The following KIF3B variants were observed in gnomAD, a reference collection of about 807,000 sequenced individuals.
The protein encoded by KIF3B is kinesin family member 3B.
Under a neutral mutation model 74.3 loss-of-function variants are expected in KIF3B, and 38 were observed. The observed-to-expected ratio is 0.51, with a 90% CI of 0.39 to 0.67. The LOEUF (loss-of-function observed/expected upper bound fraction) is 0.67, where lower values mean the gene tolerates loss of function less well. Ranked by LOEUF, KIF3B falls within the 30% of genes least tolerant of loss-of-function variation. The pLI is 0.00. For missense variants in KIF3B, 649 were observed against 932.0 expected, an observed-to-expected ratio of 0.70 and a Z score of 3.95; for synonymous variants, 326 against 342.5, an observed-to-expected ratio of 0.95 and a Z score of 0.53.
At chr20:32,285,861 A>G (rs1301130479) in intron 1 of KIF3B, among the ~76,000 whole-genome samples, 1 of 152,194 alleles carries the variant, frequency 6.6e-6, no homozygotes, top group Non-Finnish European at 1.5e-5. Flanking sequence ...TCATCTTATC[A>G]GCATCACACA....
At chr20:32,318,862 C>T (rs2047841861) in intron 5 of KIF3B, among the ~76,000 whole-genome samples, 1 of 152,026 alleles carries the variant, frequency 6.6e-6, no homozygotes, top group Admixed American at 6.6e-5. Flanking sequence ...ATTGCTGGGT[C>T]ATATGGTAAC....
chr20:32,299,237 T>C (rs889786939), intron 1 of KIF3B, among the ~76,000 whole-genome samples: 4 of 151,640 alleles, frequency 2.6e-5, no homozygotes, highest in Admixed American at 6.6e-5. Context: ...GTAGATAATA[T>C]GTAAACTAAG....
chr20:32,330,234 T>C lies in KIF3B; in HGVS notation c.2062T>C (p.Leu688=), dbSNP rs1012200614. Residue 688 remains leucine, a synonymous_variant, in exon 8 of 9, where the codon TTG becomes CTG. Coordinates refer to ENST00000375712, the MANE Select transcript of KIF3B (RefSeq NM_004798.4). ...PAIAPKVQAA[L]DAALQDEDEI... ...CATTGCCCCCAAGGTCCAGGCTGCA[T>C]TGGATGCGGCTCTGCAGGATGAAGA... 3.7e-6 allele frequency: 6 copies of C among 1,613,964 alleles called. No homozygotes were observed. The highest frequency in any genetic ancestry group is 3.3e-4 in the Middle Eastern group (2 of 6,062).
At chr20:32,281,446 G>T (rs1446006854) in intron 1 of KIF3B, among the ~76,000 whole-genome samples, 2 of 152,208 alleles carry the variant, frequency 1.3e-5, no homozygotes, top group Admixed American at 1.3e-4. Context: ...AGAGTCCCTT[G>T]CTCTCATGCA....
intron 2 of KIF3B, among the ~76,000 whole-genome samples, chr20:32,314,765 A>G (rs532206996): frequency 2.0e-5 from 3 of 152,214 alleles, no homozygotes; most frequent in Middle Eastern, 3.4e-3. Context: ...TTCAGCCCCT[A>G]TCAAAATGCT....
At chr20:32,316,406 A>G (rs2047827817) in intron 3 of KIF3B, 87 bp downstream of exon 3, 1 of 1,543,028 alleles carries the variant, frequency 6.5e-7, no homozygotes, top group Admixed American at 1.7e-5. Context: ...GACTCTCTTC[A>G]AAGAGAATGA....
intron 1 of KIF3B, among the ~76,000 whole-genome samples, chr20:32,293,370 G>A (rs1462182227): frequency 1.3e-5 from 2 of 152,102 alleles, no homozygotes; most frequent in African/African-American, 2.4e-5. Context: ...GCTGAGAGAC[G>A]GAAGGATCAC....
intron 1 of KIF3B, among the ~76,000 whole-genome samples, chr20:32,306,206 A>G (rs1321685001): frequency 6.6e-6 from 1 of 151,750 alleles, no homozygotes; most frequent in Non-Finnish European, 1.5e-5. Flanking sequence ...CATCCTGGCC[A>G]ACATGGTGAA....
At chr20:32,323,058 ATTTATATATAT>A (rs1415830129) in intron 5 of KIF3B, among the ~76,000 whole-genome samples, 1 of 77,096 alleles carries the variant, frequency 1.3e-5, no homozygotes, top group African/African-American at 5.9e-5. Flanking sequence ...ATATATTTAT[ATTTATATATAT>A]TTATATATTT....
intron 1 of KIF3B, among the ~76,000 whole-genome samples, chr20:32,302,049 G>A (rs952435310): frequency 6.6e-6 from 1 of 152,238 alleles, no homozygotes; most frequent in Non-Finnish European, 1.5e-5. Context: ...GGATGAAGGC[G>A]ATGAGCTGCT....
intron 5 of KIF3B, among the ~76,000 whole-genome samples, chr20:32,322,796 ATATATT>A (rs1446348808): frequency 2.0e-4 from 9 of 45,990 alleles, no homozygotes; most frequent in Non-Finnish European, 2.1e-4. Flanking sequence ...ATATTTATAT[ATATATT>A]TATATATATT....
intron 1 of KIF3B, among the ~76,000 whole-genome samples, chr20:32,304,285 C>A (rs1412486270): frequency 6.6e-6 from 1 of 152,204 alleles, no homozygotes; most frequent in Non-Finnish European, 1.5e-5. Flanking sequence ...TAAGCCACAG[C>A]ATATATGCCC....
chr20:32,278,064 T>C (rs947111565), intron 1 of KIF3B, among the ~76,000 whole-genome samples: 1 of 152,074 alleles, frequency 6.6e-6, no homozygotes, highest in African/African-American at 2.4e-5. Context: ...GAGCCTGGGG[T>C]CCGAACCTCG....
At chr20:32,300,569 G>A (rs796367824) in intron 1 of KIF3B, among the ~76,000 whole-genome samples, 5 of 151,980 alleles carry the variant, frequency 3.3e-5, no homozygotes, top group South Asian at 2.1e-4. Context: ...GTGAGCCGCC[G>A]CACCCGCTGA....
intron 1 of KIF3B, 25 bp downstream of exon 1, chr20:32,277,790 A>C (rs2047623354): frequency 4.5e-6 from 1 of 220,752 alleles, no homozygotes; most frequent in Non-Finnish European, 8.5e-6. Context: ...CCGGGCGCCC[A>C]CCGAGCAGGG....
intron 1 of KIF3B, among the ~76,000 whole-genome samples, chr20:32,290,239 C>T (rs552866545): frequency 1.7e-4 from 26 of 152,048 alleles, no homozygotes; most frequent in African/African-American, 6.0e-4. Context: ...AAAAGTTAGC[C>T]GTGCGTGGTG....
At chr20:32,280,366 T>C (rs1427454329) in intron 1 of KIF3B, among the ~76,000 whole-genome samples, 1 of 79,894 alleles carries the variant, frequency 1.3e-5, no homozygotes, top group Non-Finnish European at 2.1e-5. Context: ...ATGTTGATAT[T>C]TTTATACAGT....
chr20:32,318,641 C>G (rs2047840640), intron 5 of KIF3B, among the ~76,000 whole-genome samples: 1 of 152,188 alleles, frequency 6.6e-6, no homozygotes, highest in Non-Finnish European at 1.5e-5. Flanking sequence ...CAACAGATAT[C>G]TGGTAGTCCC....
chr20:32,289,225 GTC>G (rs762819079), intron 1 of KIF3B, among the ~76,000 whole-genome samples: 82 of 141,184 alleles, frequency 5.8e-4, no homozygotes, highest in Non-Finnish European at 1.1e-3. Flanking sequence ...TTGAAATGGA[GTC>G]TCAGTCACCC....
Sources: allele counts gnomAD v4.1 joint callset (sites outside exome capture counted in the v4.1 genomes callset), GRCh38; gene constraint gnomAD v4.1.1; transcripts MANE v1.5; gene names NCBI Gene and HGNC (gene_info 2026-07-23, HGNC 2026-07-21).